Variants in VPS13B observed in about 807,000 individuals in gnomAD.
VPS13B encodes the protein vacuolar protein sorting 13 homolog B.
A neutral mutation model predicts 426.4 loss-of-function variants in VPS13B; 285 were observed. The ratio of observed to expected loss-of-function variants is 0.67; its 90% CI spans 0.61 to 0.74. The LOEUF (loss-of-function observed/expected upper bound fraction) is 0.74, where lower values mean the gene tolerates loss of function less well. VPS13B is among the 30% of genes least tolerant of loss of function. VPS13B has a pLI of 0.00. For missense variants in VPS13B, 4,537 were observed against 4,782.6 expected (o/e 0.95, Z 1.51); for synonymous variants, 1,676 against 1,676.4 (o/e 1.00, Z 0.01).
intron 17 of VPS13B, among the ~76,000 whole-genome samples, chr8:99,198,279 A>G (rs1814069866): frequency 6.6e-6 from 1 of 152,080 alleles, no homozygotes; most frequent in South Asian, 2.1e-4. Context: ...TTTATTTGCT[A>G]AATTTCTATT....
intron 51 of VPS13B, among the ~76,000 whole-genome samples, chr8:99,831,099 G>A (rs1451310650): frequency 1.5e-5 from 1 of 64,718 alleles, no homozygotes; most frequent in Non-Finnish European, 3.3e-5. Flanking sequence ...TTGAGATAGA[G>A]TCTCGCCCTG....
At chr8:99,167,872 GT>G (rs1466663175) in intron 15 of VPS13B, among the ~76,000 whole-genome samples, 1 of 152,002 alleles carries the variant, frequency 6.6e-6, no homozygotes, top group Non-Finnish European at 1.5e-5. Flanking sequence ...CAGATTATTA[GT>G]TTGCAACATT....
Position 99,835,081 on chromosome 8 carries a change from T to C in VPS13B, c.9615-116T>C, listed in dbSNP as rs532094791. The C allele has an allele frequency of 6.1e-6, 8 of 1,311,800 alleles. No individual in the cohort carries two copies. The East Asian group carries it at 1.9e-4, about 31-fold the overall frequency. The allele number at this position is 1,311,800 out of a possible 1,614,324, so 81.3% of individuals were successfully genotyped here. A position where few individuals can be genotyped will look rare whatever the true frequency, so the allele number is the denominator to read the frequency against. ...CAGAAAAGGAATCTCCCCTGAGTTA[T>C]AAAACAGATATTTTCGAGTTCTGAA... On this transcript the variant is annotated intron_variant, in intron 52 of 61. Transcript: ENST00000357162.
chr8:99,160,706 A>T (rs776312794), intron 15 of VPS13B, among the ~76,000 whole-genome samples: 1 of 151,642 alleles, frequency 6.6e-6, no homozygotes, highest in Non-Finnish European at 1.5e-5. Flanking sequence ...CATGTAATGT[A>T]TCAAAAGATT....
At chr8:99,447,812 T>C (rs1019365312) in intron 23 of VPS13B, among the ~76,000 whole-genome samples, 5 of 152,046 alleles carry the variant, frequency 3.3e-5, no homozygotes, top group African/African-American at 9.7e-5. Flanking sequence ...ATATTTATCG[T>C]GTTGCTGTAA....
chr8:99,851,027 T>C (rs1442972394), intron 55 of VPS13B, among the ~76,000 whole-genome samples: 1 of 152,222 alleles, frequency 6.6e-6, no homozygotes, highest in East Asian at 1.9e-4. Flanking sequence ...ATTTATAATA[T>C]TTCAAACAAT....
intron 43 of VPS13B, among the ~76,000 whole-genome samples, chr8:99,791,610 TGA>T (rs1452339071): frequency 6.7e-6 from 1 of 148,372 alleles, no homozygotes; most frequent in Non-Finnish European, 1.5e-5. Context: ...AGTGCAGGAG[TGA>T]GAGAGATTAT....
At chr8:99,225,451 T>TACTTTTAG (rs1815966317) in intron 17 of VPS13B, among the ~76,000 whole-genome samples, 1 of 152,094 alleles carries the variant, frequency 6.6e-6, no homozygotes, top group African/African-American at 2.4e-5. Context: ...TAATGTTTTG[T>TACTTTTAG]ACTTTTAGTA....
chr8:99,214,072 G>A (rs891268419), intron 17 of VPS13B, among the ~76,000 whole-genome samples: 1 of 152,104 alleles, frequency 6.6e-6, no homozygotes. Context: ...GACACCTACT[G>A]TATTGTTTCT....
At chr8:99,069,571 G>GT in intron 3 of VPS13B, among the ~76,000 whole-genome samples, 1 of 152,324 alleles carries the variant, frequency 6.6e-6, no homozygotes, top group Non-Finnish European at 1.5e-5. Flanking sequence ...CTAATAATTT[G>GT]TGTATGTATG....
At chr8:99,442,884 AG>A in intron 23 of VPS13B, among the ~76,000 whole-genome samples, 1 of 152,294 alleles carries the variant, frequency 6.6e-6, no homozygotes, top group Admixed American at 6.5e-5. Flanking sequence ...ATGTAAACGT[AG>A]GAAAAATTAA....
chr8:99,185,539 G>A (rs781601521), intron 16 of VPS13B, among the ~76,000 whole-genome samples: 3 of 152,096 alleles, frequency 2.0e-5, no homozygotes, highest in African/African-American at 4.8e-5. Context: ...CAGGATATGA[G>A]TAATAACAAA....
At chr8:99,387,376 C>G (rs1047625195) in intron 20 of VPS13B, among the ~76,000 whole-genome samples, 3 of 151,960 alleles carry the variant, frequency 2.0e-5, no homozygotes, top group Admixed American at 1.3e-4. Context: ...CACCACCATG[C>G]CTGGCTAATT....
chr8:99,556,735 A>G, intron 31 of VPS13B, 82 bp downstream of exon 31: 1 of 1,441,870 alleles, frequency 6.9e-7, no homozygotes, highest in Non-Finnish European at 9.6e-7. Context: ...TAGCATGTCC[A>G]ACCAACCTAA....
intron 25 of VPS13B, among the ~76,000 whole-genome samples, chr8:99,490,579 G>A (rs990976134): frequency 1.3e-5 from 2 of 152,170 alleles, no homozygotes; most frequent in South Asian, 4.1e-4. Flanking sequence ...CAATTTCAGA[G>A]CCTGTTATTG....
intron 29 of VPS13B, among the ~76,000 whole-genome samples, chr8:99,519,189 G>T (rs949907104): frequency 4.0e-5 from 6 of 151,814 alleles, no homozygotes; most frequent in Non-Finnish European, 8.8e-5. Flanking sequence ...TTTTTTTCTT[G>T]TAAATTTGTT....
Position 99,876,096 on chromosome 8 carries a change from A to AT in VPS13B, c.*432dup, listed in dbSNP as rs1303104832. On this transcript the variant is annotated 3_prime_UTR_variant, in exon 62 of 62. Transcript: ENST00000357162. ...TCTCTACTGTAATTAATTTGGGTCT[A>AT]TTATTAACTCTCTGTTCCATCATAG... The AT allele has an allele frequency of 1.6e-5, 1 of 62,166 alleles. No individual in the cohort carries two copies. The highest frequency in any genetic ancestry group is 2.6e-5 in the Non-Finnish European group (1 of 38,816). 3.9% of individuals were successfully genotyped at this position (62,166 alleles called of 1,614,324 possible).
chr8:99,489,771 C>T (rs1006153427), intron 25 of VPS13B, among the ~76,000 whole-genome samples: 2 of 152,068 alleles, frequency 1.3e-5, no homozygotes. Flanking sequence ...GAGACTTTGC[C>T]AAAGTTGCTT....
At chr8:99,337,671 G>T (rs1231215905) in intron 19 of VPS13B, among the ~76,000 whole-genome samples, 1 of 151,814 alleles carries the variant, frequency 6.6e-6, no homozygotes, top group Admixed American at 6.6e-5. Context: ...TCTTTTCTTT[G>T]TTTTTTCTTT....
Sources: gnomAD v4.1 joint callset for allele counts (sites outside exome capture counted in the v4.1 genomes callset) on GRCh38, gnomAD v4.1.1 for gene constraint, MANE v1.5 for transcripts, NCBI Gene and HGNC (gene_info 2026-07-23, HGNC 2026-07-21) for gene names.